The following CNOT8 variants were observed in gnomAD, a reference collection of about 807,000 sequenced individuals.
The protein encoded by CNOT8 is CCR4-NOT transcription complex subunit 8, also known as CAF1-like protein.
CNOT8 carries 18 observed loss-of-function variants against 34.6 expected under a neutral mutation model. The observed-to-expected ratio is 0.52, with a 90% CI of 0.36 to 0.77. The LOEUF (loss-of-function observed/expected upper bound fraction) is 0.77. CNOT8 is among the 30% of genes least tolerant of loss of function. CNOT8 has a pLI of 0.00. For missense variants in CNOT8, 189 were observed against 347.9 expected, an observed-to-expected ratio of 0.54 and a Z score of 3.63; for synonymous variants, 101 against 118.8, an observed-to-expected ratio of 0.85 and a Z score of 0.98.
intron 3 of CNOT8, among the ~76,000 whole-genome samples, chr5:154,867,419 A>G (rs1284752972): frequency 6.6e-6 from 1 of 152,178 alleles, no homozygotes; most frequent in African/African-American, 2.4e-5. Context: ...TCATCTGTAT[A>G]CCAAGTAATA....
At chr5:154,860,489 G>C (rs1761228317) in intron 1 of CNOT8, among the ~76,000 whole-genome samples, 1 of 152,052 alleles carries the variant, frequency 6.6e-6, no homozygotes, top group African/African-American at 2.4e-5. Context: ...TGTACTTTTT[G>C]TAGAGACGGG....
At chr5:154,867,359 T>A (rs755776722) in intron 3 of CNOT8, among the ~76,000 whole-genome samples, 7 of 152,342 alleles carry the variant, frequency 4.6e-5, no homozygotes, top group Non-Finnish European at 7.3e-5. Context: ...GGTAGCATTA[T>A]ACGACCATTA....
At chr5:154,870,220 G>T (rs1279797308) in intron 3 of CNOT8, among the ~76,000 whole-genome samples, 1 of 130,308 alleles carries the variant, frequency 7.7e-6, no homozygotes, top group Non-Finnish European at 1.5e-5. Context: ...ATCTTTGTTT[G>T]TGTGTGTGTG....
At chr5:154,870,254 GT>G (rs11359207) in intron 3 of CNOT8, among the ~76,000 whole-genome samples, 25,027 of 150,508 alleles carry the variant, frequency 0.17, 2,769 homozygotes, top group African/African-American at 0.32. Flanking sequence ...TTTTTTGTTT[GT>G]TTTGTTTTTT....
chr5:154,871,475 G>C (rs950420820), intron 4 of CNOT8, among the ~76,000 whole-genome samples: 8 of 148,790 alleles, frequency 5.4e-5, no homozygotes, highest in African/African-American at 2.0e-4. Flanking sequence ...AGGGATAATT[G>C]CTTGAACCTG....
At chr5:154,874,568 A>G (rs1165831053) in intron 6 of CNOT8, among the ~76,000 whole-genome samples, 1 of 151,868 alleles carries the variant, frequency 6.6e-6, no homozygotes, top group East Asian at 1.9e-4. Context: ...GGAGTCTTGC[A>G]TTGTCACCCA....
intron 3 of CNOT8, among the ~76,000 whole-genome samples, chr5:154,869,346 C>T (rs1330392170): frequency 2.6e-5 from 4 of 150,946 alleles, no homozygotes; most frequent in Non-Finnish European, 4.4e-5. Context: ...CTCGAACTCC[C>T]GACCTCAGGT....
chr5:154,874,292 T>A (rs1762742961), intron 6 of CNOT8, among the ~76,000 whole-genome samples: 1 of 151,038 alleles, frequency 6.6e-6, no homozygotes, highest in African/African-American at 2.4e-5. Context: ...AAGGAAAGGT[T>A]TAGGCCGGGT....
chr5:154,858,538 G>A (rs1561671256), upstream of CNOT8: 1 of 152,278 alleles, frequency 6.6e-6, no homozygotes, highest in South Asian at 2.1e-4. Context: ...GAGTCGGGCG[G>A]ATCGGGTGGG....
chr5:154,868,019 G>A (rs368474699), intron 3 of CNOT8, among the ~76,000 whole-genome samples: 3 of 148,442 alleles, frequency 2.0e-5, no homozygotes, highest in African/African-American at 7.5e-5. Flanking sequence ...TCACTGCAAC[G>A]TCTGCCTCCC....
chr5:154,871,877 A>C lies in CNOT8; in HGVS notation c.618+3A>C. Reference sequence around the variant, plus strand: ...TGAAGAGCTGCAAAAATCTTAAGGTATATGATGTTTTTCTTAATACCAGTA... The same window carrying C: ...TGAAGAGCTGCAAAAATCTTAAGGTCTATGATGTTTTTCTTAATACCAGTA... On this transcript the variant is annotated splice_donor_region_variant and intron_variant, in intron 5 of 6. Transcript: ENST00000285896. 1 of 1,606,850 alleles carries C rather than the reference A, an allele frequency of 6.2e-7. No homozygotes were observed. The highest frequency in any genetic ancestry group is 8.5e-7 in the Non-Finnish European group (1 of 1,177,226).
rs1479989853 is a variant in CNOT8, at chr5:154,863,306, C to G, written c.28C>G (p.Gln10Glu). 1.4e-5 allele frequency: 22 copies of G among 1,613,936 alleles called. No homozygotes were observed. The East Asian group carries it at 4.5e-4, about 33-fold the overall frequency. Reference protein sequence around the residue: MPAALVENSQVICEVWASNL... With the variant: MPAALVENSEVICEVWASNL... ...GCCTGCAGCACTTGTGGAGAATAGC[C>G]AGGTTATCTGTGAAGTGTGGGCCAG... The change falls in exon 2 of 7, where the codon CAG becomes GAG. Residue 10 changes from glutamine (Q) to glutamate (E), a missense_variant. By Grantham distance (29) the Gln-to-Glu change is conservative. Around this residue, in one of 2 missense-constraint regions of CNOT8, gnomAD observed 160 missense variants for 321.9 expected, o/e 0.50. Coordinates refer to ENST00000285896, the MANE Select transcript of CNOT8 (RefSeq NM_001301073.2).
Position 154,875,696 on chromosome 5 carries a change from G to T in CNOT8, c.*257G>T. On this transcript the variant is annotated 3_prime_UTR_variant, in exon 7 of 7. Coordinates refer to ENST00000285896, the MANE Select transcript of CNOT8 (RefSeq NM_001301073.2). ...AGCCTCTCCTCTCTGGTTGCCTCCT[G>T]CCACCAGCATCCATGGCTCATTTGA... 2.7e-6 allele frequency: 1 copy of T among 375,768 alleles called. No individual in the cohort carries two copies. The highest frequency in any genetic ancestry group is 4.8e-6 in the Non-Finnish European group (1 of 207,306). 23.3% of individuals were successfully genotyped at this position (375,768 alleles called of 1,614,324 possible).
At chr5:154,865,934 G>GTTTGTTTT (rs1761823187) in intron 3 of CNOT8, among the ~76,000 whole-genome samples, 1 of 152,118 alleles carries the variant, frequency 6.6e-6, no homozygotes, top group African/African-American at 2.4e-5. Flanking sequence ...TAGACACGTG[G>GTTTGTTTT]GTTTTTTCTA....
chr5:154,874,605 G>T (rs189882119), intron 6 of CNOT8, among the ~76,000 whole-genome samples: 2 of 152,174 alleles, frequency 1.3e-5, no homozygotes, highest in Non-Finnish European at 2.9e-5. Flanking sequence ...TGTGATCTCA[G>T]TTCACTGCAA....
rs566011985 is a variant in CNOT8 at position 154,873,197 on chromosome 5, C to T, written c.729+546C>T. On this transcript the variant is annotated intron_variant, in intron 6 of 6. Coordinates refer to ENST00000285896, the MANE Select transcript of CNOT8 (RefSeq NM_001301073.2). ...CTGGGATTACAGGCGTGAGCCACCA[C>T]GCCCAGCCACATAGACTGTTTTTTT... Among the ~76,000 whole-genome samples, 11 of 152,342 alleles carry T rather than the reference C, an allele frequency of 7.2e-5. No individual in the cohort carries two copies. In the South Asian group the frequency reaches 2.1e-3, roughly 29 times the overall value.
intron 6 of CNOT8, among the ~76,000 whole-genome samples, chr5:154,874,979 C>T (rs558498005): frequency 6.6e-6 from 1 of 151,436 alleles, no homozygotes; most frequent in Non-Finnish European, 1.5e-5. Context: ...TGCAGTGGTA[C>T]GGCCTTGGCC....
upstream of CNOT8, chr5:154,858,576 G>A (rs973369485): frequency 1.3e-5 from 2 of 152,310 alleles, no homozygotes; most frequent in African/African-American, 4.8e-5. Flanking sequence ...GTTGTTTGGT[G>A]GGAGGCACGT....
At chr5:154,871,941 T>C (rs1469195075) in intron 5 of CNOT8, 67 bp downstream of exon 5, 1 of 1,397,184 alleles carries the variant, frequency 7.2e-7, no homozygotes, top group East Asian at 2.3e-5. Context: ...CTTTGCTTTA[T>C]TGTTACGTGT....
Sources: gnomAD v4.1 joint callset for allele counts (sites outside exome capture counted in the v4.1 genomes callset) on GRCh38, gnomAD v4.1.1 for gene constraint, gnomAD v4.1.1 regional missense constraint, MANE v1.5 for transcripts, NCBI Gene and HGNC (gene_info 2026-07-23, HGNC 2026-07-21) for gene names.